Variants in ROBO1 observed in about 807,000 individuals in gnomAD.
ROBO1 encodes roundabout guidance receptor 1.
In ROBO1, 149 loss-of-function variants were observed where a neutral mutation model predicts 195.9. The ratio of observed to expected loss-of-function variants is 0.76; its 90% confidence interval spans 0.67 to 0.87. ROBO1 has a LOEUF of 0.87. Among genes scored for constraint, ROBO1 ranks in the 40% least tolerant of loss-of-function variants. The pLI is 0.00. For missense variants in ROBO1, 1,933 were observed against 2,068.3 expected, an observed-to-expected ratio of 0.93 and a Z score of 1.27; for synonymous variants, 816 against 733.2, an observed-to-expected ratio of 1.11 and a Z score of -1.82.
At chr3:78,899,686 G>A (rs2037467487) in intron 4 of ROBO1, among the ~76,000 whole-genome samples, 1 of 152,034 alleles carries the variant, frequency 6.6e-6, no homozygotes, top group African/African-American at 2.4e-5. Context: ...TTAGATGGTA[G>A]GAAGAAGAAA....
At position 79,300,215 on chromosome 3, in the gene ROBO1, G is replaced by T. The variant is rs749501669; in HGVS notation, c.89-174676C>A. 7.9e-5 allele frequency among the ~76,000 whole-genome samples: 12 copies of T among 152,282 alleles called. No homozygotes were observed. The East Asian group carries it at 9.7e-4, about 12-fold the overall frequency. On this transcript the variant is annotated intron_variant, in intron 2 of 30. Transcript: ENST00000464233. Reference sequence around the variant, plus strand: ...GCTCCCTCAGCTAGCAGGGAGGTGTGGGGGGAGAGGCGTGAGCGGGAACTG... The same window carrying T: ...GCTCCCTCAGCTAGCAGGGAGGTGTTGGGGGAGAGGCGTGAGCGGGAACTG...
intron 2 of ROBO1, among the ~76,000 whole-genome samples, chr3:79,204,871 T>C (rs1278192992): frequency 6.6e-6 from 1 of 152,186 alleles, no homozygotes; most frequent in Non-Finnish European, 1.5e-5. Flanking sequence ...TTGCACATAC[T>C]TTTCTTGCGG....
rs541302834 is a variant in ROBO1, at chr3:78,943,147, C to T, written c.173-4220G>A. 7.6e-4 allele frequency among the ~76,000 whole-genome samples: 116 copies of T among 151,746 alleles called. 1 individual carries two copies. In the South Asian group the frequency reaches 0.018, roughly 23 times the overall value. ...AGGAGAATGGCGTGAACCTGGGAGG[C>T]GGAGCTTACAGTGAGCCAAGATCGT... On this transcript the variant is annotated intron_variant, in intron 3 of 30. Transcript: ENST00000464233.
Position 79,560,558 on chromosome 3 carries a change from T to TATATATATATATATATATAC in ROBO1, c.88+29265_88+29266insGTATATATATATATATATAT, listed in dbSNP as rs5850439. On this transcript the variant is annotated intron_variant, in intron 2 of 30. Transcript: ENST00000464233. ...AATTATATATATATATATATATATA[T>TATATATATATATATATATAC]ACACATACACATACATAAAAAAAAA... Among the ~76,000 whole-genome samples, 296 of 129,536 alleles carry TATATATATATATATATATAC rather than the reference T, an allele frequency of 2.3e-3. 2 individuals carry two copies. The highest frequency in any genetic ancestry group is 4.1e-3 in the African/African-American group (137 of 33,132). The allele number at this position is 129,536 out of a possible 152,430, so 85.0% of individuals were successfully genotyped here.
chr3:78,886,315 G>A lies in ROBO1; in HGVS notation c.499+52286C>T, dbSNP rs142274978. On this transcript the variant is annotated intron_variant, in intron 4 of 30. Coordinates refer to ENST00000464233, the MANE Select transcript of ROBO1 (RefSeq NM_002941.4). ...TTTGTTCATTAAAAAATTGTACTGTGGCCAGGCGCAGTGGCTCACATCTGT... is the reference window on the plus strand; with the variant it reads ...TTTGTTCATTAAAAAATTGTACTGTAGCCAGGCGCAGTGGCTCACATCTGT... Among the ~76,000 whole-genome samples, 10 of 152,124 alleles carry A rather than the reference G, an allele frequency of 6.6e-5. No individual in the cohort carries two copies. The East Asian group carries it at 1.7e-3, about 26-fold the overall frequency.
At chr3:79,723,323 T>C (rs1381555498) in intron 1 of ROBO1, among the ~76,000 whole-genome samples, 1 of 152,208 alleles carries the variant, frequency 6.6e-6, no homozygotes, top group Non-Finnish European at 1.5e-5. Context: ...ACATTTCTGC[T>C]GAAATATATG....
chr3:78,940,330 G>T (rs555661363), intron 3 of ROBO1, among the ~76,000 whole-genome samples: 1 of 152,272 alleles, frequency 6.6e-6, no homozygotes, highest in Non-Finnish European at 1.5e-5. Flanking sequence ...TTTCACTTCA[G>T]TGTAGCCAGA....
intron 2 of ROBO1, among the ~76,000 whole-genome samples, chr3:79,494,313 A>G (rs1295380426): frequency 1.3e-5 from 2 of 152,226 alleles, no homozygotes; most frequent in Non-Finnish European, 2.9e-5. Flanking sequence ...GGAATAAGCC[A>G]CAATAAAAAG....
chr3:79,350,099 AC>A (rs2035280786), intron 2 of ROBO1, among the ~76,000 whole-genome samples: 2 of 152,230 alleles, frequency 1.3e-5, no homozygotes, highest in South Asian at 4.1e-4. Flanking sequence ...ATAAAGAGAT[AC>A]ATAGTCCAAT....
intron 2 of ROBO1, among the ~76,000 whole-genome samples, chr3:79,226,029 C>A (rs1029911355): frequency 1.3e-5 from 2 of 152,140 alleles, no homozygotes; most frequent in Non-Finnish European, 2.9e-5. Context: ...AAAGCACAAC[C>A]TCCTGTCTTA....
At chr3:78,984,280 G>A (rs2077057953) in intron 3 of ROBO1, among the ~76,000 whole-genome samples, 1 of 152,138 alleles carries the variant, frequency 6.6e-6, no homozygotes, top group South Asian at 2.1e-4. Flanking sequence ...TATCAGGGGA[G>A]TAAGTTGAGG....
intron 2 of ROBO1, among the ~76,000 whole-genome samples, chr3:79,183,562 A>G (rs921952181): frequency 5.9e-5 from 9 of 152,242 alleles, no homozygotes; most frequent in Non-Finnish European, 1.2e-4. Context: ...TCTCCTTGCT[A>G]AGAAACATTC....
chr3:79,008,888 CGTGTGT>C lies in ROBO1; in HGVS notation c.173-69967_173-69962del, dbSNP rs375134341. Among the ~76,000 whole-genome samples the C allele has an allele frequency of 5.3e-3, 638 of 121,266 alleles. 5 individuals carry two copies. Among genetic ancestry groups the C allele is most frequent in the African/African-American group, 0.017 (536 of 31,352 alleles). 79.6% of individuals were successfully genotyped at this position (121,266 alleles called of 152,430 possible). ...ACAGGCATGAGCCACTGCACCCAGCCGTGTGTGTGTGTGTGTGTGTGTGTGTGTGTG... is the reference window on the plus strand; with the variant it reads ...ACAGGCATGAGCCACTGCACCCAGCCGTGTGTGTGTGTGTGTGTGTGTGTG... On this transcript the variant is annotated intron_variant, in intron 3 of 30. Transcript: ENST00000464233.
At chr3:79,464,477 T>C (rs1171244171) in intron 2 of ROBO1, among the ~76,000 whole-genome samples, 1 of 152,190 alleles carries the variant, frequency 6.6e-6, no homozygotes, top group Non-Finnish European at 1.5e-5. Flanking sequence ...TGTGAAGAGA[T>C]ATCTCGTTTG....
At chr3:79,766,061 T>A (rs924565934) in intron 1 of ROBO1, among the ~76,000 whole-genome samples, 1 of 151,574 alleles carries the variant, frequency 6.6e-6, no homozygotes, top group African/African-American at 2.4e-5. Flanking sequence ...TAAACTACCC[T>A]GTGAAATGAG....
Position 78,668,134 on chromosome 3 carries a change from C to G in ROBO1, c.1799G>C (p.Ser600Thr), listed in dbSNP as rs2107702876. ...CTAGGAAGCATCTCCTTCACTCTAC[C>G]TGAAGGCTTCTATAATATAAGATGT... Reference protein sequence around the residue: ...TPTSYIIEAFSHASGSSWQTV... With the variant: ...TPTSYIIEAFTHASGSSWQTV... The change falls in exon 13 of 31, where the codon AGC (serine) becomes ACC (threonine). Residue 600 changes from serine (S) to threonine (T), a missense_variant and splice_region_variant. Ser to Thr is a moderately conservative substitution (Grantham distance 58, BLOSUM62 1). Around this residue, in one of 3 missense-constraint regions of ROBO1, gnomAD observed 1,737 missense variants for 1,882.5 expected, o/e 0.92. Coordinates refer to ENST00000464233, the MANE Select transcript of ROBO1 (RefSeq NM_002941.4). 1.2e-6 allele frequency: 2 copies of G among 1,613,244 alleles called. No individual in the cohort carries two copies. Among genetic ancestry groups the G allele is most frequent in the Non-Finnish European group, 1.7e-6 (2 of 1,179,548 alleles).
chr3:78,771,251 C>G (rs1348671755), intron 4 of ROBO1, among the ~76,000 whole-genome samples: 1 of 152,136 alleles, frequency 6.6e-6, no homozygotes, highest in Non-Finnish European at 1.5e-5. Context: ...TTGCACTGGT[C>G]TATGTGTCCA....
intron 2 of ROBO1, among the ~76,000 whole-genome samples, chr3:79,252,022 GA>G (rs768714495): frequency 0.064 from 8,528 of 132,720 alleles, 346 homozygotes; most frequent in African/African-American, 0.13. Context: ...CAATTTTAAA[GA>G]AAAAAAAAAA....
intron 1 of ROBO1, among the ~76,000 whole-genome samples, chr3:79,762,071 T>G (rs182315378): frequency 6.6e-6 from 1 of 152,298 alleles, no homozygotes; most frequent in African/African-American, 2.4e-5. Flanking sequence ...AGAGTCTGTC[T>G]TAGTATCTTT....
Sources: gnomAD v4.1 joint callset for allele counts (sites outside exome capture counted in the v4.1 genomes callset) on GRCh38, gnomAD v4.1.1 for gene constraint, gnomAD v4.1.1 regional missense constraint, MANE v1.5 for transcripts, NCBI Gene and HGNC (gene_info 2026-07-23, HGNC 2026-07-21) for gene names.